The following ATRNL1 variants were observed in gnomAD, a reference collection of about 807,000 sequenced individuals.
The protein encoded by ATRNL1 is attractin like 1, also known as attractin-like protein 1.
In ATRNL1, 95 loss-of-function variants were observed where a neutral mutation model predicts 182.7. The ratio of observed to expected loss-of-function variants is 0.52; its 90% CI spans 0.44 to 0.62. ATRNL1 has a LOEUF of 0.62. Ranked by LOEUF, ATRNL1 falls within the 20% of genes least tolerant of loss-of-function variation. The pLI is 0.00. For missense variants in ATRNL1, 1,471 were observed against 1,679.5 expected, an observed-to-expected ratio of 0.88 and a Z score of 2.17; for synonymous variants, 576 against 568.3, an observed-to-expected ratio of 1.01 and a Z score of -0.19.
chr10:115,161,360 T>C (rs572667953), intron 6 of ATRNL1, among the ~76,000 whole-genome samples: 2 of 151,994 alleles, frequency 1.3e-5, no homozygotes, highest in Admixed American at 6.6e-5. Context: ...GAAGGAAGAA[T>C]TGAAAGAGAG....
chr10:115,392,875 A>G (rs1032495033), intron 19 of ATRNL1, among the ~76,000 whole-genome samples: 1 of 152,160 alleles, frequency 6.6e-6, no homozygotes, highest in Admixed American at 6.6e-5. Context: ...GCTGGAAGAA[A>G]CATACTTTCT....
chr10:115,200,359 T>C (rs1450360855), intron 8 of ATRNL1, among the ~76,000 whole-genome samples: 1 of 136,976 alleles, frequency 7.3e-6, no homozygotes, highest in Non-Finnish European at 1.6e-5. Flanking sequence ...GTATATCTCC[T>C]AATGCTATCC....
chr10:115,592,146 A>G (rs1364599076), intron 26 of ATRNL1, among the ~76,000 whole-genome samples: 1 of 152,176 alleles, frequency 6.6e-6, no homozygotes, highest in Non-Finnish European at 1.5e-5. Flanking sequence ...AAAGATGGCA[A>G]CGGTAGGTAC....
At chr10:115,488,153 T>C (rs978365352) in intron 24 of ATRNL1, among the ~76,000 whole-genome samples, 1 of 152,194 alleles carries the variant, frequency 6.6e-6, no homozygotes, top group Non-Finnish European at 1.5e-5. Context: ...TTTGCATCGA[T>C]GTTCATCAGG....
chr10:115,403,650 T>G (rs566882867), intron 20 of ATRNL1, among the ~76,000 whole-genome samples: 6 of 152,242 alleles, frequency 3.9e-5, no homozygotes, highest in Non-Finnish European at 2.9e-5. Flanking sequence ...AGATGGGGTT[T>G]CATGTTGGCC....
intron 9 of ATRNL1, among the ~76,000 whole-genome samples, chr10:115,222,292 A>G (rs1554897625): frequency 3.3e-5 from 5 of 152,280 alleles, no homozygotes; most frequent in Admixed American, 3.3e-4. Context: ...ATGATGACCA[A>G]AAAAGGACAG....
At position 115,568,315 on chromosome 10, in the gene ATRNL1, A is replaced by T. The variant is rs1353850706; in HGVS notation, c.3795+18779A>T. On this transcript the variant is annotated intron_variant, in intron 26 of 28. Transcript: ENST00000355044. Reference sequence around the variant, plus strand: ...TGGTTTCATCTTTTTTATGTTAAAAATTTAATATTTAAAGTTAATTTAATT... The same window carrying T: ...TGGTTTCATCTTTTTTATGTTAAAATTTTAATATTTAAAGTTAATTTAATT... Among the ~76,000 whole-genome samples the T allele has an allele frequency of 2.0e-5, 3 of 152,102 alleles. No individual in the cohort carries two copies. In the East Asian group the frequency reaches 5.8e-4, roughly 29 times the overall value.
intron 27 of ATRNL1, among the ~76,000 whole-genome samples, chr10:115,792,109 A>T (rs529795128): frequency 1.3e-5 from 2 of 152,266 alleles, no homozygotes; most frequent in South Asian, 4.2e-4. Context: ...CTTTGTTTTG[A>T]TAATGTGCTC....
intron 3 of ATRNL1, among the ~76,000 whole-genome samples, chr10:115,122,990 T>C (rs1844810638): frequency 6.6e-6 from 1 of 152,214 alleles, no homozygotes; most frequent in Non-Finnish European, 1.5e-5. Context: ...ATGATACCGT[T>C]GACTGACCAT....
intron 19 of ATRNL1, among the ~76,000 whole-genome samples, chr10:115,390,505 A>G (rs1265402286): frequency 6.6e-6 from 1 of 151,948 alleles, no homozygotes; most frequent in Non-Finnish European, 1.5e-5. Flanking sequence ...GCTTGAGTTT[A>G]TTGCTGGGCT....
chr10:115,739,879 C>T (rs1355149174), intron 27 of ATRNL1, among the ~76,000 whole-genome samples: 1 of 152,032 alleles, frequency 6.6e-6, no homozygotes, highest in Non-Finnish European at 1.5e-5. Flanking sequence ...ATATTTTTTG[C>T]TTATGTTTCA....
At chr10:115,118,573 A>G (rs1844592594) in intron 1 of ATRNL1, among the ~76,000 whole-genome samples, 1 of 152,156 alleles carries the variant, frequency 6.6e-6, no homozygotes, top group African/African-American at 2.4e-5. Flanking sequence ...GTACACCACT[A>G]TTTTAATAGC....
intron 20 of ATRNL1, among the ~76,000 whole-genome samples, chr10:115,401,797 G>T (rs1185493460): frequency 1.3e-5 from 2 of 152,002 alleles, no homozygotes; most frequent in African/African-American, 4.8e-5. Flanking sequence ...AGAGTCCCCT[G>T]TTTAAAAACA....
chr10:115,803,086 C>A (rs1949835510), intron 27 of ATRNL1, among the ~76,000 whole-genome samples: 2 of 152,142 alleles, frequency 1.3e-5, no homozygotes, highest in South Asian at 2.1e-4. Flanking sequence ...AAAAGCCACA[C>A]AGCCAGTACT....
At chr10:115,540,756 TAA>T (rs34811826) in intron 25 of ATRNL1, among the ~76,000 whole-genome samples, 10,492 of 77,488 alleles carry the variant, frequency 0.14, 767 homozygotes, top group African/African-American at 0.31. Context: ...AAACTCCGTC[TAA>T]AAAAAAAAAA....
At chr10:115,584,747 C>A (rs1477097061) in intron 26 of ATRNL1, among the ~76,000 whole-genome samples, 1 of 152,062 alleles carries the variant, frequency 6.6e-6, no homozygotes, top group African/African-American at 2.4e-5. Context: ...TCTCTATTTC[C>A]TTCAGTTTTG....
intron 28 of ATRNL1, among the ~76,000 whole-genome samples, chr10:115,866,037 G>A (rs1555104687): frequency 1.3e-5 from 2 of 152,046 alleles, no homozygotes; most frequent in African/African-American, 2.4e-5. Context: ...ATCAAAAAGT[G>A]TAGAACTCCT....
chr10:115,678,905 A>G (rs1555043835), intron 26 of ATRNL1, among the ~76,000 whole-genome samples: 1 of 152,158 alleles, frequency 6.6e-6, no homozygotes, highest in African/African-American at 2.4e-5. Context: ...AACTGATAAA[A>G]GAAAGTATCT....
At chr10:115,858,165 A>T (rs1374509953) in intron 28 of ATRNL1, among the ~76,000 whole-genome samples, 3 of 152,204 alleles carry the variant, frequency 2.0e-5, no homozygotes, top group African/African-American at 7.2e-5. Flanking sequence ...TGGAAATACC[A>T]TTTAACCCAG....
Sources: allele counts gnomAD v4.1 joint callset (sites outside exome capture counted in the v4.1 genomes callset), GRCh38; gene constraint gnomAD v4.1.1; transcripts MANE v1.5; gene names NCBI Gene and HGNC (gene_info 2026-07-23, HGNC 2026-07-21).